The following SRBD1 variants were observed in gnomAD, a reference collection of about 807,000 sequenced individuals.
SRBD1 encodes the protein S1 RNA-binding domain-containing protein 1.
SRBD1 carries 88 observed loss-of-function variants against 115.3 expected under a neutral mutation model. That is an observed-to-expected ratio of 0.76 (90% CI 0.64 to 0.91). SRBD1 has a LOEUF of 0.91. Among genes scored for constraint, SRBD1 ranks in the 40% least tolerant of loss-of-function variants. SRBD1 has a pLI of 0.00. For synonymous variants in SRBD1, 509 were observed against 407.7 expected (o/e 1.25, Z -2.99); for missense variants, 1,385 against 1,177.4 (o/e 1.18, Z -2.58).
At chr2:45,518,919 C>T (rs1044658959) in intron 14 of SRBD1, among the ~76,000 whole-genome samples, 3 of 146,562 alleles carry the variant, frequency 2.0e-5, no homozygotes, top group Non-Finnish European at 4.5e-5. Context: ...AGAGAAATGA[C>T]AGATTTGAGC....
chr2:45,396,913 T>C (rs181296765), intron 19 of SRBD1, among the ~76,000 whole-genome samples: 10 of 152,156 alleles, frequency 6.6e-5, no homozygotes, highest in Admixed American at 5.9e-4. Context: ...AACTTAATAT[T>C]AGTACGTGCT....
At chr2:45,538,344 A>G (rs1347817861) in intron 14 of SRBD1, among the ~76,000 whole-genome samples, 1 of 152,208 alleles carries the variant, frequency 6.6e-6, no homozygotes, top group Admixed American at 6.5e-5. Context: ...CACTCTGAGG[A>G]CTAAACTTAG....
At chr2:45,416,022 G>C (rs946031751) in intron 18 of SRBD1, among the ~76,000 whole-genome samples, 3 of 152,082 alleles carry the variant, frequency 2.0e-5, no homozygotes, top group African/African-American at 7.2e-5. Context: ...AGATAAAGAT[G>C]AGATGGGAAA....
At chr2:45,398,940 A>G (rs1667220885) in intron 19 of SRBD1, among the ~76,000 whole-genome samples, 1 of 152,214 alleles carries the variant, frequency 6.6e-6, no homozygotes. Flanking sequence ...GTGTACTGAA[A>G]TGTTGCTATT....
At chr2:45,520,796 C>T (rs138945176) in intron 14 of SRBD1, among the ~76,000 whole-genome samples, 1,839 of 152,274 alleles carry the variant, frequency 0.012, 22 homozygotes, top group Non-Finnish European at 0.015. Flanking sequence ...CACTATATCC[C>T]CTTGTCCAGC....
chr2:45,407,984 G>C (rs975409012), intron 19 of SRBD1, among the ~76,000 whole-genome samples: 26 of 152,090 alleles, frequency 1.7e-4, no homozygotes, highest in African/African-American at 6.0e-4. Flanking sequence ...ACAAATATGA[G>C]ACAGACTATC....
At chr2:45,600,963 C>T (rs183994661) in intron 3 of SRBD1, among the ~76,000 whole-genome samples, 2 of 152,090 alleles carry the variant, frequency 1.3e-5, no homozygotes, top group African/African-American at 4.8e-5. Context: ...AAATAATGAA[C>T]ATTAGAGAGC....
rs534080193 is a variant in SRBD1, at chr2:45,591,442, G to T, written c.649-5668C>A. 2.6e-5 allele frequency among the ~76,000 whole-genome samples: 4 copies of T among 152,192 alleles called. No homozygotes were observed. In the South Asian group the frequency reaches 8.3e-4, roughly 32 times the overall value. On this transcript the variant is annotated intron_variant, in intron 4 of 20. Coordinates refer to ENST00000263736, the MANE Select transcript of SRBD1 (RefSeq NM_018079.5). ...TGATTTGAGTAATACTAAAACTCTG[G>T]TTTTCCACACAGCTGGGTCTGTGTG...
At chr2:45,608,543 T>G (rs1471946194) in intron 1 of SRBD1, among the ~76,000 whole-genome samples, 5 of 152,288 alleles carry the variant, frequency 3.3e-5, no homozygotes, top group Non-Finnish European at 5.9e-5. Flanking sequence ...CTTGTTAGAT[T>G]AACCAAAACC....
At chr2:45,418,233 C>T (rs1667888854) in intron 18 of SRBD1, 132 bp downstream of exon 18, 1 of 1,014,866 alleles carries the variant, frequency 9.9e-7, no homozygotes, top group Admixed American at 2.7e-5. Context: ...AAAGGACAGT[C>T]ACTCAACACT....
rs762370006 is a variant in SRBD1, at chr2:45,599,622, T to C, written c.475A>G (p.Thr159Ala). The change falls in exon 4 of 21, where the codon ACT becomes GCT. Residue 159 changes from threonine (T) to alanine (A), a missense_variant. Transcript: ENST00000263736. ...TTCTTGCATGTACCTCCCCACACAG[T>C]GCTTGTGGATGGTGTCTCTGAACTA... ...SNSSETPSTS[T>A]VWGGTCKKEE... is the part of the protein sequence containing the mutation. The C allele has an allele frequency of 4.3e-6, 7 of 1,614,208 alleles. No homozygotes were observed. The Admixed American group carries it at 1.2e-4, about 27-fold the overall frequency.
At chr2:45,450,675 C>A (rs1668965762) in intron 16 of SRBD1, among the ~76,000 whole-genome samples, 1 of 151,940 alleles carries the variant, frequency 6.6e-6, no homozygotes, top group Non-Finnish European at 1.5e-5. Flanking sequence ...GGATGAATAC[C>A]CATCAAGTTA....
At chr2:45,474,158 C>G (rs1669735002) in intron 16 of SRBD1, among the ~76,000 whole-genome samples, 2 of 152,214 alleles carry the variant, frequency 1.3e-5, no homozygotes, top group Non-Finnish European at 2.9e-5. Context: ...GCAATAATCT[C>G]TTTTCTCTCT....
intron 14 of SRBD1, among the ~76,000 whole-genome samples, chr2:45,501,511 G>T (rs1053267404): frequency 6.6e-6 from 1 of 152,178 alleles, no homozygotes; most frequent in African/African-American, 2.4e-5. Flanking sequence ...CCCAGGAAGC[G>T]CAAGGAGTCA....
At chr2:45,575,750 T>C (rs757338330) in intron 7 of SRBD1, among the ~76,000 whole-genome samples, 3 of 152,162 alleles carry the variant, frequency 2.0e-5, no homozygotes, top group Non-Finnish European at 2.9e-5. Flanking sequence ...GTCTTCCAGG[T>C]TGGAGTGCAG....
chr2:45,595,253 G>C (rs1219165052), intron 4 of SRBD1, among the ~76,000 whole-genome samples: 7 of 152,152 alleles, frequency 4.6e-5, no homozygotes, highest in Admixed American at 2.6e-4. Flanking sequence ...TCAGAGTTGA[G>C]AAATACACCT....
Position 45,546,815 on chromosome 2 carries a change from A to AT in SRBD1, c.1790dup (p.Asn597LysfsTer14), listed in dbSNP as rs1183271249. ...CTTCTGTTTCCCTGCAGGCAGTTCC[A>AT]TTTCCAATCACTACTGTGCTGCAGC... On this transcript the variant is annotated frameshift_variant, in exon 14 of 21. Transcript: ENST00000263736. LOFTEE classifies it high-confidence loss of function. 6.8e-6 allele frequency: 11 copies of AT among 1,614,018 alleles called. No homozygotes were observed. Among genetic ancestry groups the AT allele is most frequent in the Non-Finnish European group, 8.5e-6 (10 of 1,180,002 alleles).
chr2:45,463,121 A>T (rs562920258), intron 16 of SRBD1, among the ~76,000 whole-genome samples: 1 of 152,036 alleles, frequency 6.6e-6, no homozygotes, highest in Non-Finnish European at 1.5e-5. Flanking sequence ...AGACAATGTA[A>T]CACAACTGTC....
chr2:45,440,740 T>C (rs1272198112), intron 16 of SRBD1, among the ~76,000 whole-genome samples: 1 of 152,140 alleles, frequency 6.6e-6, no homozygotes, highest in Non-Finnish European at 1.5e-5. Context: ...TCCCTTCTAA[T>C]AAATTAAAAC....
Sources: gnomAD v4.1 joint callset for allele counts (sites outside exome capture counted in the v4.1 genomes callset) on GRCh38, gnomAD v4.1.1 for gene constraint, MANE v1.5 for transcripts, NCBI Gene and HGNC (gene_info 2026-07-23, HGNC 2026-07-21) for gene names.